Variants in RAPGEF5 observed in about 807,000 individuals in gnomAD.
The protein encoded by RAPGEF5 is M-Ras-regulated GEF.
A neutral mutation model predicts 125.2 loss-of-function variants in RAPGEF5; 65 were observed. The observed-to-expected ratio is 0.52, with a 90% confidence interval of 0.43 to 0.64. The LOEUF is 0.64. RAPGEF5 is among the 30% of genes least tolerant of loss of function. The probability of loss-of-function intolerance (pLI) is 0.00; values close to 1 mark genes in which losing one functional copy is unlikely to be tolerated. For missense variants in RAPGEF5, 958 were observed against 1,048.1 expected (o/e 0.91, Z 1.19); for synonymous variants, 391 against 385.9 (o/e 1.01, Z -0.16).
intron 9 of RAPGEF5, among the ~76,000 whole-genome samples, chr7:22,201,190 G>A (rs1477775180): frequency 6.6e-6 from 1 of 152,184 alleles, no homozygotes; most frequent in Non-Finnish European, 1.5e-5. Flanking sequence ...TACCAATGAG[G>A]AGCTGCAGTC....
chr7:22,169,807 C>T (rs1449835617), intron 11 of RAPGEF5, among the ~76,000 whole-genome samples: 1 of 122,762 alleles, frequency 8.1e-6, no homozygotes, highest in Non-Finnish European at 1.6e-5. Context: ...TTGCAGTGAG[C>T]CAAGATCATG....
At chr7:22,157,364 A>C (rs1362644482) in intron 15 of RAPGEF5, among the ~76,000 whole-genome samples, 1 of 152,154 alleles carries the variant, frequency 6.6e-6, no homozygotes, top group African/African-American at 2.4e-5. Flanking sequence ...TATCCACCTG[A>C]TATAGCTGTG....
intron 5 of RAPGEF5, among the ~76,000 whole-genome samples, chr7:22,293,145 C>G (rs994740107): frequency 1.3e-5 from 2 of 152,234 alleles, no homozygotes; most frequent in African/African-American, 4.8e-5. Flanking sequence ...TCACCTCAAT[C>G]ACCAAGATTT....
chr7:22,167,085 T>C lies in RAPGEF5; in HGVS notation c.1268A>G (p.Gln423Arg). ...TVFMTTDDLC[Q>R]ALLRHYSAKK... is the part of the protein sequence containing the mutation. ...TGAAGGATATTGCCTTAACAGAGCC[T>C]GGCACAAGTCATCAGTTGTCATGAA... Residue 423 changes from glutamine (Q) to arginine (R), a missense_variant, in exon 12 of 26, where the codon CAG becomes CGG. Coordinates refer to ENST00000665637, the MANE Select transcript of RAPGEF5 (RefSeq NM_012294.5). 6.2e-7 allele frequency: 1 copy of C among 1,612,494 alleles called. No individual in the cohort carries two copies. The highest frequency in any genetic ancestry group is 8.5e-7 in the Non-Finnish European group (1 of 1,178,936).
chr7:22,204,050 T>C (rs1007258202), intron 9 of RAPGEF5, among the ~76,000 whole-genome samples: 6 of 152,196 alleles, frequency 3.9e-5, no homozygotes, highest in African/African-American at 1.2e-4. Flanking sequence ...GTTGCAGATA[T>C]ATTTGTCCCG....
intron 1 of RAPGEF5, among the ~76,000 whole-genome samples, chr7:22,329,174 T>C (rs934523322): frequency 3.9e-5 from 6 of 152,262 alleles, no homozygotes; most frequent in Non-Finnish European, 8.8e-5. Context: ...ACTGCACTCT[T>C]TCTGCTTTCA....
In RAPGEF5 at chr7:22,256,489, C is replaced by T. The variant is rs1313727049; in HGVS notation, c.796+10475G>A. ...AAGATACAAATTGAAATCACAAAGC[C>T]GAGGTCGCAAAGACACGTAATGACA... is the stretch of plus-strand genomic sequence containing the variant. On this transcript the variant is annotated intron_variant, in intron 7 of 25. Coordinates refer to ENST00000665637, the MANE Select transcript of RAPGEF5 (RefSeq NM_012294.5). Among the ~76,000 whole-genome samples, 8 of 152,132 alleles carry T rather than the reference C, an allele frequency of 5.3e-5. No homozygotes were observed. The South Asian group carries it at 8.3e-4, about 16-fold the overall frequency.
At position 22,308,494 on chromosome 7, in the gene RAPGEF5, T is replaced by C. The variant is rs775391456; in HGVS notation, c.525A>G (p.Leu175=). 6.4e-6 allele frequency: 10 copies of C among 1,552,178 alleles called. No individual in the cohort carries two copies. The highest frequency in any genetic ancestry group is 1.4e-5 in the African/African-American group (1 of 73,182). The change falls in exon 5 of 26, where the codon CTA becomes CTG. Residue 175 remains leucine, a synonymous_variant. Transcript: ENST00000665637. ...AGAAAACATAAGTATCTTGAAAGTA[T>C]AGATGCTGGTCCACTGTTTGAAACA... ...MGIMLSVDQH[L]YFQDTYVFYQ...
chr7:22,237,385 T>C (rs1393514136), intron 7 of RAPGEF5, among the ~76,000 whole-genome samples: 2 of 147,384 alleles, frequency 1.4e-5, no homozygotes, highest in Non-Finnish European at 3.0e-5. Flanking sequence ...TGGATAAACA[T>C]AGAAATTGAC....
At chr7:22,195,151 C>T (rs1036743081) in intron 9 of RAPGEF5, among the ~76,000 whole-genome samples, 2 of 152,148 alleles carry the variant, frequency 1.3e-5, no homozygotes, top group African/African-American at 2.4e-5. Context: ...TACCTACCTA[C>T]GGTCAGGTAC....
chr7:22,328,394 T>C (rs1783854157), intron 1 of RAPGEF5, among the ~76,000 whole-genome samples: 1 of 152,258 alleles, frequency 6.6e-6, no homozygotes, highest in Non-Finnish European at 1.5e-5. Context: ...TCAACTGTTA[T>C]TAGCTTCTTG....
chr7:22,206,735 G>A lies in RAPGEF5; in HGVS notation c.997-12702C>T, dbSNP rs1033507817. 4.8e-5 allele frequency among the ~76,000 whole-genome samples: 7 copies of A among 146,736 alleles called. No homozygotes were observed. The East Asian group carries it at 1.4e-3, about 29-fold the overall frequency. Reference sequence around the variant, plus strand: ...CTGAGTGAAAAGTGCAACTCCAAAAGGAATAGAAAAAATAAAATAAAATTT... The same window carrying A: ...CTGAGTGAAAAGTGCAACTCCAAAAAGAATAGAAAAAATAAAATAAAATTT... On this transcript the variant is annotated intron_variant, in intron 9 of 25. Transcript: ENST00000665637.
At chr7:22,149,392 T>A (rs1783546745) in intron 18 of RAPGEF5, among the ~76,000 whole-genome samples, 2 of 152,184 alleles carry the variant, frequency 1.3e-5, no homozygotes, top group Admixed American at 6.5e-5. Context: ...CAGCGATGGC[T>A]CCATGAAGAG....
intron 19 of RAPGEF5, 99 bp downstream of exon 19, chr7:22,146,798 T>C: frequency 7.3e-7 from 1 of 1,376,752 alleles, no homozygotes; most frequent in Non-Finnish European, 9.7e-7. Flanking sequence ...TGGACCACGT[T>C]ATTCTAGCAT....
intron 9 of RAPGEF5, among the ~76,000 whole-genome samples, chr7:22,214,093 C>A (rs748111138): frequency 6.6e-6 from 1 of 152,110 alleles, no homozygotes; most frequent in African/African-American, 2.4e-5. Flanking sequence ...AAACAAGGAA[C>A]CTTTGACGTA....
chr7:22,273,211 A>ATTTTTTTT (rs71026869), intron 6 of RAPGEF5, among the ~76,000 whole-genome samples: 1 of 96,590 alleles, frequency 1.0e-5, no homozygotes, highest in Non-Finnish European at 1.9e-5. Context: ...ACTTAGGAGT[A>ATTTTTTTT]TTTTTTTTTT....
At chr7:22,237,124 AAG>A (rs1238637988) in intron 7 of RAPGEF5, among the ~76,000 whole-genome samples, 1 of 152,220 alleles carries the variant, frequency 6.6e-6, no homozygotes, top group East Asian at 1.9e-4. Context: ...CTCCTTAATG[AAG>A]AGTCTTCTGA....
chr7:22,259,353 C>T (rs2128140039), intron 7 of RAPGEF5, among the ~76,000 whole-genome samples: 1 of 152,336 alleles, frequency 6.6e-6, no homozygotes, highest in Middle Eastern at 3.4e-3. Flanking sequence ...ACACTGACTA[C>T]ATCAAATGCT....
At chr7:22,154,432 T>A (rs367749709) in intron 17 of RAPGEF5, 23 bp downstream of exon 17, 6 of 1,611,954 alleles carry the variant, frequency 3.7e-6, no homozygotes, top group Admixed American at 1.7e-5. Context: ...AAGATTAATA[T>A]TCAAGGGTAG....
Sources: allele counts gnomAD v4.1 joint callset (sites outside exome capture counted in the v4.1 genomes callset), GRCh38; gene constraint gnomAD v4.1.1; transcripts MANE v1.5; gene names NCBI Gene and HGNC (gene_info 2026-07-23, HGNC 2026-07-21).